Variants in RBFOX1 observed in about 807,000 individuals in gnomAD.
RBFOX1 encodes RNA binding protein fox-1 homolog 1.
In RBFOX1, 8 loss-of-function variants were observed where a neutral mutation model predicts 57.7. The ratio of observed to expected loss-of-function variants is 0.14; its 90% confidence interval spans 0.08 to 0.25. The LOEUF (loss-of-function observed/expected upper bound fraction) is 0.25. Ranked by LOEUF, RBFOX1 falls within the 10% of genes least tolerant of loss-of-function variation. The pLI is 1.00. For missense variants in RBFOX1, 611 were observed against 548.5 expected (o/e 1.11, Z -1.14); for synonymous variants, 326 against 222.4 (o/e 1.47, Z -4.15).
intron 2 of RBFOX1, among the ~76,000 whole-genome samples, chr16:6,575,141 G>A (rs549145399): frequency 6.6e-6 from 1 of 151,798 alleles, no homozygotes; most frequent in African/African-American, 2.4e-5. Flanking sequence ...GACAGATTAC[G>A]ACACGTTGTT....
At chr16:6,997,262 CCTT>C (rs910050840) in intron 3 of RBFOX1, among the ~76,000 whole-genome samples, 1 of 150,904 alleles carries the variant, frequency 6.6e-6, no homozygotes, top group African/African-American at 2.5e-5. Context: ...CTCAACTTCT[CCTT>C]CTAGTAAAAA....
At chr16:5,494,330 T>C (rs964578129) in intron 2 of RBFOX1, among the ~76,000 whole-genome samples, 3 of 152,184 alleles carry the variant, frequency 2.0e-5, no homozygotes, top group Non-Finnish European at 4.4e-5. Flanking sequence ...ACTAGACTTG[T>C]GTGTCAAAGG....
At chr16:7,670,643 CGCTCCGTAA>C (rs1484112771) in intron 13 of RBFOX1, among the ~76,000 whole-genome samples, 1 of 152,012 alleles carries the variant, frequency 6.6e-6, no homozygotes, top group Non-Finnish European at 1.5e-5. Context: ...TATCAGGCAT[CGCTCCGTAA>C]GCTTAGACTT....
At position 7,651,811 on chromosome 16, in the gene RBFOX1, G is replaced by C. The variant is rs569489974; in HGVS notation, c.758-2004G>C. Reference sequence around the variant, plus strand: ...TTTGAGCCTTTGCTGTGGCTCTCCTGGGACAGGGACTTACCAAATGCATTT... The same window carrying C: ...TTTGAGCCTTTGCTGTGGCTCTCCTCGGACAGGGACTTACCAAATGCATTT... On this transcript the variant is annotated intron_variant, in intron 11 of 15. Coordinates refer to ENST00000550418, the MANE Select transcript of RBFOX1 (RefSeq NM_018723.4). Among the ~76,000 whole-genome samples, 3 of 152,346 alleles carry C rather than the reference G, an allele frequency of 2.0e-5. No individual in the cohort carries two copies. The South Asian group carries it at 6.2e-4, about 32-fold the overall frequency.
intron 1 of RBFOX1, among the ~76,000 whole-genome samples, chr16:6,298,840 G>T (rs1012724309): frequency 6.6e-6 from 1 of 152,126 alleles, no homozygotes. Flanking sequence ...CCACCCTTTG[G>T]ATGTTCATGG....
At chr16:7,050,836 A>T (rs2049813145) in intron 3 of RBFOX1, among the ~76,000 whole-genome samples, 1 of 152,182 alleles carries the variant, frequency 6.6e-6, no homozygotes, top group Non-Finnish European at 1.5e-5. Context: ...ACATGGAAAT[A>T]AACATTTGTG....
intron 4 of RBFOX1, among the ~76,000 whole-genome samples, chr16:7,210,192 A>G (rs1248630333): frequency 1.3e-5 from 2 of 152,210 alleles, no homozygotes; most frequent in Admixed American, 1.3e-4. Flanking sequence ...CCCACACAAG[A>G]AACACAACCA....
chr16:5,709,809 T>TTATATATATATATATATC (rs1555506307), intron 3 of RBFOX1, among the ~76,000 whole-genome samples: 2 of 14,460 alleles, frequency 1.4e-4, no homozygotes, highest in African/African-American at 6.3e-4. Flanking sequence ...ATCAGTTTCT[T>TTATATATATATATATATC]TATATATATA....
chr16:6,484,724 G>A (rs1283092316), intron 2 of RBFOX1, among the ~76,000 whole-genome samples: 3 of 152,090 alleles, frequency 2.0e-5, no homozygotes, highest in Admixed American at 2.0e-4. Context: ...CTACTTAAGA[G>A]GGCTCCAAGC....
At chr16:6,979,512 G>C (rs1381214273) in intron 3 of RBFOX1, among the ~76,000 whole-genome samples, 1 of 152,160 alleles carries the variant, frequency 6.6e-6, no homozygotes, top group Non-Finnish European at 1.5e-5. Flanking sequence ...GTATGTTGTA[G>C]TTAATTAAAA....
chr16:7,376,379 C>G (rs999253814), intron 4 of RBFOX1, among the ~76,000 whole-genome samples: 10 of 152,246 alleles, frequency 6.6e-5, no homozygotes, highest in Middle Eastern at 3.4e-3. Context: ...CGCAGCATCG[C>G]CTTTGAGGTG....
chr16:7,394,498 C>T, intron 4 of RBFOX1, among the ~76,000 whole-genome samples: 1 of 152,048 alleles, frequency 6.6e-6, no homozygotes, highest in African/African-American at 2.4e-5. Flanking sequence ...GTCAAACCCC[C>T]ACACCTTTAG....
intron 4 of RBFOX1, among the ~76,000 whole-genome samples, chr16:7,449,995 C>T (rs905577127): frequency 7.9e-5 from 12 of 152,010 alleles, no homozygotes; most frequent in Admixed American, 2.0e-4. Context: ...AAGGGCACTC[C>T]GGGCCAGTAT....
chr16:5,980,932 G>A lies in RBFOX1; in HGVS notation c.351+113597G>A, dbSNP rs2060159662. Among the ~76,000 whole-genome samples the A allele has an allele frequency of 1.3e-5, 2 of 152,128 alleles. 1 individual carries two copies. Among genetic ancestry groups the A allele is most frequent in the South Asian group, 4.1e-4 (2 of 4,826 alleles). On this transcript the variant is annotated intron_variant, in intron 4 of 19. Coordinates refer to the RBFOX1 transcript ENST00000641259. Reference sequence around the variant, plus strand: ...AACTACCTTCTATGTGCCACAAGTAGGGTTTCCATTTCTGGAAGTGATGTG... The same window carrying A: ...AACTACCTTCTATGTGCCACAAGTAAGGTTTCCATTTCTGGAAGTGATGTG...
At chr16:6,510,374 C>A (rs1275561517) in intron 2 of RBFOX1, among the ~76,000 whole-genome samples, 1 of 152,102 alleles carries the variant, frequency 6.6e-6, no homozygotes, top group African/African-American at 2.4e-5. Context: ...GAAGCCAACT[C>A]CCAGTTTCCC....
intron 1 of RBFOX1, among the ~76,000 whole-genome samples, chr16:5,329,982 C>CAAAA (rs71142613): frequency 1.4e-5 from 2 of 144,648 alleles, no homozygotes; most frequent in African/African-American, 5.6e-5. Context: ...GACTCTGTCT[C>CAAAA]AAAAAAAAAA....
chr16:7,234,966 G>T (rs894138898), intron 4 of RBFOX1, among the ~76,000 whole-genome samples: 1 of 151,956 alleles, frequency 6.6e-6, no homozygotes, highest in Non-Finnish European at 1.5e-5. Flanking sequence ...TTGGATCCAA[G>T]AAATTTATTT....
At chr16:5,626,544 G>A (rs539909338) in intron 3 of RBFOX1, among the ~76,000 whole-genome samples, 15 of 152,244 alleles carry the variant, frequency 9.9e-5, no homozygotes, top group South Asian at 2.1e-4. Flanking sequence ...AGTTCAGCCC[G>A]TAGTGGACCC....
intron 3 of RBFOX1, among the ~76,000 whole-genome samples, chr16:6,850,774 G>C (rs774187861): frequency 1.3e-5 from 2 of 152,102 alleles, no homozygotes; most frequent in African/African-American, 2.4e-5. Context: ...TATTGCTGGT[G>C]GGAATGTCAA....
Sources: gnomAD v4.1 joint callset for allele counts (sites outside exome capture counted in the v4.1 genomes callset) on GRCh38, gnomAD v4.1.1 for gene constraint, MANE v1.5 for transcripts, NCBI Gene and HGNC (gene_info 2026-07-23, HGNC 2026-07-21) for gene names.